Variants in KCNT2 observed in about 807,000 individuals in gnomAD.
The protein encoded by KCNT2 is potassium sodium-activated channel subfamily T member 2.
Under a neutral mutation model 153.8 loss-of-function variants are expected in KCNT2, and 67 were observed. That is an observed-to-expected ratio of 0.44 (90% confidence interval 0.36 to 0.53). The LOEUF is 0.53. Among genes scored for constraint, KCNT2 ranks in the 20% least tolerant of loss-of-function variants. The pLI, the probability that KCNT2 is intolerant of heterozygous loss-of-function variation, is 0.00. For synonymous variants in KCNT2, 500 were observed against 458.8 expected, an observed-to-expected ratio of 1.09 and a Z score of -1.15; for missense variants, 975 against 1,354.8, an observed-to-expected ratio of 0.72 and a Z score of 4.40.
At chr1:196,353,566 T>C (rs901989960) in intron 14 of KCNT2, among the ~76,000 whole-genome samples, 2 of 152,020 alleles carry the variant, frequency 1.3e-5, no homozygotes, top group East Asian at 3.9e-4. Flanking sequence ...AGATATTATC[T>C]GTTCCATTAA....
chr1:196,392,800 A>G (rs909231163), intron 13 of KCNT2, among the ~76,000 whole-genome samples: 19 of 151,430 alleles, frequency 1.3e-4, no homozygotes, highest in African/African-American at 4.6e-4. Context: ...TATTTTTATA[A>G]TGGGAATCAA....
At chr1:196,231,569 G>T (rs1653959491) in intron 27 of KCNT2, among the ~76,000 whole-genome samples, 1 of 151,906 alleles carries the variant, frequency 6.6e-6, no homozygotes, top group African/African-American at 2.4e-5. Flanking sequence ...GAGAGAATTA[G>T]GAACTGCTTT....
intron 23 of KCNT2, among the ~76,000 whole-genome samples, chr1:196,283,789 T>C (rs1376824446): frequency 6.6e-6 from 1 of 152,140 alleles, no homozygotes; most frequent in Non-Finnish European, 1.5e-5. Context: ...ATAGAGTATA[T>C]TCAGTAAGAT....
chr1:196,503,230 TC>T (rs1680844519), intron 1 of KCNT2, among the ~76,000 whole-genome samples: 1 of 151,750 alleles, frequency 6.6e-6, no homozygotes, highest in Non-Finnish European at 1.5e-5. Context: ...CCACCTCCAC[TC>T]CTTCCCATTA....
At chr1:196,476,893 T>C (rs1262345716) in intron 5 of KCNT2, among the ~76,000 whole-genome samples, 1 of 152,180 alleles carries the variant, frequency 6.6e-6, no homozygotes, top group Non-Finnish European at 1.5e-5. Context: ...CACTCAATTG[T>C]ATTCCATTAT....
intron 26 of KCNT2, among the ~76,000 whole-genome samples, chr1:196,244,015 T>C (rs1328466450): frequency 5.3e-5 from 8 of 152,012 alleles, no homozygotes; most frequent in Non-Finnish European, 1.2e-4. Flanking sequence ...CATAGTATGA[T>C]AGGGCACCAG....
chr1:196,513,446 G>T (rs551115413), intron 1 of KCNT2, among the ~76,000 whole-genome samples: 1 of 152,150 alleles, frequency 6.6e-6, no homozygotes. Context: ...ATTTTAAAAT[G>T]CATGCTTCTG....
intron 1 of KCNT2, among the ~76,000 whole-genome samples, chr1:196,530,923 C>T (rs1553248742): frequency 6.6e-6 from 1 of 152,044 alleles, no homozygotes; most frequent in Non-Finnish European, 1.5e-5. Flanking sequence ...TTCCTAACTA[C>T]TATTTAATTA....
chr1:196,359,168 A>G (rs1156601056), intron 14 of KCNT2, among the ~76,000 whole-genome samples: 1 of 152,054 alleles, frequency 6.6e-6, no homozygotes, highest in African/African-American at 2.4e-5. Context: ...TTCAATATAC[A>G]TAACTTGAAT....
chr1:196,477,042 A>G (rs1176339489), intron 5 of KCNT2, among the ~76,000 whole-genome samples: 3 of 152,164 alleles, frequency 2.0e-5, no homozygotes, highest in Non-Finnish European at 4.4e-5. Context: ...CTAACATCCT[A>G]TGTCTTCTCA....
chr1:196,299,664 G>A (rs947916784), intron 22 of KCNT2, among the ~76,000 whole-genome samples: 3 of 152,126 alleles, frequency 2.0e-5, no homozygotes, highest in African/African-American at 7.2e-5. Context: ...AGAATGCAGA[G>A]TAGTACAGCA....
chr1:196,482,730 T>A (rs530776683), intron 3 of KCNT2, among the ~76,000 whole-genome samples: 13 of 152,202 alleles, frequency 8.5e-5, no homozygotes, highest in African/African-American at 3.1e-4. Context: ...TTCTTATTTG[T>A]AACAGGACAT....
intron 1 of KCNT2, among the ~76,000 whole-genome samples, chr1:196,577,650 T>C (rs1404761916): frequency 6.6e-5 from 10 of 152,126 alleles, no homozygotes. Context: ...GAATTGTGCT[T>C]GAACTAACCT....
chr1:196,257,940 A>G, intron 26 of KCNT2: 1 of 1,115,950 alleles, frequency 9.0e-7, no homozygotes, highest in South Asian at 3.8e-5. Flanking sequence ...GTTTTTGTGA[A>G]AATTAAAATT....
At chr1:196,503,159 A>G (rs966341724) in intron 1 of KCNT2, among the ~76,000 whole-genome samples, 1 of 150,860 alleles carries the variant, frequency 6.6e-6, no homozygotes, top group African/African-American at 2.4e-5. Flanking sequence ...CCACCTCAGA[A>G]AAGAAAAGAA....
At chr1:196,232,010 T>C (rs1164233984) in intron 27 of KCNT2, among the ~76,000 whole-genome samples, 1 of 151,820 alleles carries the variant, frequency 6.6e-6, no homozygotes, top group Non-Finnish European at 1.5e-5. Context: ...TAATAAAGTT[T>C]GCACTTTTGT....
At chr1:196,294,083 CA>C (rs1486833527) in intron 22 of KCNT2, among the ~76,000 whole-genome samples, 1 of 151,956 alleles carries the variant, frequency 6.6e-6, no homozygotes, top group Non-Finnish European at 1.5e-5. Flanking sequence ...TATAACCGGC[CA>C]ACACGTATAG....
At chr1:196,519,892 A>G (rs752745999) in intron 1 of KCNT2, among the ~76,000 whole-genome samples, 2 of 152,154 alleles carry the variant, frequency 1.3e-5, no homozygotes, top group Admixed American at 6.6e-5. Context: ...TACCATTCCT[A>G]TTGAAACTAT....
chr1:196,479,715 G>A (rs1220841928), intron 4 of KCNT2, among the ~76,000 whole-genome samples: 6 of 152,144 alleles, frequency 3.9e-5, no homozygotes, highest in African/African-American at 1.4e-4. Flanking sequence ...CCAGCTATGT[G>A]TGTGTGTTTC....
Sources: gnomAD v4.1 joint callset for allele counts (sites outside exome capture counted in the v4.1 genomes callset) on GRCh38, gnomAD v4.1.1 for gene constraint, MANE v1.5 for transcripts, NCBI Gene and HGNC (gene_info 2026-07-23, HGNC 2026-07-21) for gene names.